AAMDC: variants seen among roughly 807,000 people sequenced by gnomAD.
The protein encoded by AAMDC is adipogenesis associated Mth938 domain containing.
AAMDC carries 16 observed loss-of-function variants against 15.5 expected under a neutral mutation model. That is an observed-to-expected ratio of 1.03 (90% CI 0.70 to 1.57). The LOEUF is 1.57. AAMDC is among the 40% of genes most tolerant of loss of function. The pLI is 0.00. For missense variants in AAMDC, 141 were observed against 144.9 expected (o/e 0.97, Z 0.14); for synonymous variants, 51 against 51.6 (o/e 0.99, Z 0.05).
At chr11:77,871,385 A>G (rs1951423402) in intron 3 of AAMDC, among the ~76,000 whole-genome samples, 1 of 152,234 alleles carries the variant, frequency 6.6e-6, no homozygotes, top group South Asian at 2.1e-4. Flanking sequence ...TCTATGGGTA[A>G]GGCACTATTC....
chr11:77,862,016 C>T (rs1014306224), intron 2 of AAMDC, among the ~76,000 whole-genome samples: 1 of 152,166 alleles, frequency 6.6e-6, no homozygotes, highest in Non-Finnish European at 1.5e-5. Context: ...TCCAGAAAGG[C>T]GGTAGGATTT....
chr11:77,864,614 T>C (rs976497461), intron 2 of AAMDC, among the ~76,000 whole-genome samples: 2 of 152,210 alleles, frequency 1.3e-5, no homozygotes, highest in Admixed American at 6.5e-5. Flanking sequence ...AACTATGAAA[T>C]TGACATAGAA....
chr11:77,900,796 T>C, downstream of AAMDC: 1 of 595,882 alleles, frequency 1.7e-6, no homozygotes, highest in Non-Finnish European at 3.0e-6. Context: ...ATTCCAGTTA[T>C]CTGAAAGTCT....
rs1948876667 is a variant in AAMDC, at chr11:77,821,147, TG to T, written c.-109del. 1 of 396,528 alleles carries T rather than the reference TG, an allele frequency of 2.5e-6. No homozygotes were observed. Among genetic ancestry groups the T allele is most frequent in the Admixed American group, 4.1e-5 (1 of 24,354 alleles). 24.6% of individuals were successfully genotyped at this position (396,528 alleles called of 1,614,324 possible). A position where few individuals can be genotyped will look rare whatever the true frequency, so the allele number is the denominator to read the frequency against. On this transcript the variant is annotated 5_prime_UTR_variant, in exon 1 of 4. Coordinates refer to ENST00000393427, the MANE Select transcript of AAMDC (RefSeq NM_024684.4). Reference sequence around the variant, plus strand: ...GCAGGGCGTATTCCCGGAGGGCAGTTGGGGAGCGCAGATCCCGAAGCAGCGC... The same window carrying T: ...GCAGGGCGTATTCCCGGAGGGCAGTTGGGAGCGCAGATCCCGAAGCAGCGC...
At chr11:77,875,624 T>C (rs1324407304), downstream of AAMDC, among the ~76,000 whole-genome samples, 1 of 152,224 alleles carries the variant, frequency 6.6e-6, no homozygotes, top group African/African-American at 2.4e-5. Context: ...CCTGCCTACC[T>C]TTCTTAAGGG....
intron 1 of AAMDC, among the ~76,000 whole-genome samples, chr11:77,827,595 A>C (rs1182440022): frequency 6.6e-6 from 1 of 152,228 alleles, no homozygotes; most frequent in East Asian, 1.9e-4. Context: ...CATGTTAAAA[A>C]TAATAAACTA....
intron 2 of AAMDC, 168 bp from the exon 3 acceptor site, chr11:77,869,554 G>A (rs1237137129): frequency 7.2e-6 from 4 of 558,424 alleles, no homozygotes; most frequent in Non-Finnish European, 9.6e-6. Context: ...TAGGTTCAAG[G>A]GATCCTGCCT....
intron 1 of AAMDC, among the ~76,000 whole-genome samples, chr11:77,826,911 C>T (rs577067901): frequency 6.6e-6 from 1 of 152,226 alleles, no homozygotes; most frequent in Admixed American, 6.5e-5. Flanking sequence ...TCGAGACCAG[C>T]CTGGCCAACA....
chr11:77,871,587 A>G (rs1005208076), intron 3 of AAMDC, among the ~76,000 whole-genome samples: 30 of 152,340 alleles, frequency 2.0e-4, no homozygotes, highest in African/African-American at 7.2e-4. Flanking sequence ...ACATGAGTCA[A>G]TTTCATCCTC....
intron 2 of AAMDC, chr11:77,866,704 T>G (rs979909259): frequency 6.6e-6 from 1 of 151,580 alleles, no homozygotes; most frequent in African/African-American, 2.4e-5. Context: ...ATGTGAGCTC[T>G]GGGTGAGAGA....
intron 5 of AAMDC, among the ~76,000 whole-genome samples, chr11:77,885,286 A>G (rs1211604319): frequency 6.6e-6 from 1 of 151,888 alleles, no homozygotes; most frequent in Non-Finnish European, 1.5e-5. Flanking sequence ...CATGTTGGCC[A>G]GGTTGGTCTC....
chr11:77,884,101 A>G (rs1590999297), intron 5 of AAMDC: 1 of 681,984 alleles, frequency 1.5e-6, no homozygotes. Context: ...TCAACACTGT[A>G]GACATCTCTA....
At chr11:77,825,044 G>A (rs1021621754) in intron 1 of AAMDC, among the ~76,000 whole-genome samples, 2 of 151,984 alleles carry the variant, frequency 1.3e-5, no homozygotes, top group Admixed American at 6.6e-5. Context: ...GCAGTGACGC[G>A]ATCTCAGCTC....
intron 5 of AAMDC, among the ~76,000 whole-genome samples, chr11:77,892,796 G>A (rs1952332874): frequency 6.6e-6 from 1 of 152,090 alleles, no homozygotes; most frequent in Admixed American, 6.5e-5. Context: ...TATTGGCCAG[G>A]CTGGTCTCGA....
chr11:77,827,531 C>T (rs1408477848), intron 1 of AAMDC, among the ~76,000 whole-genome samples: 2 of 152,102 alleles, frequency 1.3e-5, no homozygotes, highest in Non-Finnish European at 2.9e-5. Flanking sequence ...AAAGAAACAA[C>T]ATAGTCATCT....
At chr11:77,833,197 A>G (rs1348821190) in intron 1 of AAMDC, among the ~76,000 whole-genome samples, 1 of 150,910 alleles carries the variant, frequency 6.6e-6, no homozygotes, top group Non-Finnish European at 1.5e-5. Flanking sequence ...TTTAGTAGAG[A>G]TGGGGTTTTC....
intron 2 of AAMDC, among the ~76,000 whole-genome samples, chr11:77,846,800 T>G (rs1950167770): frequency 6.6e-6 from 1 of 152,348 alleles, no homozygotes; most frequent in South Asian, 2.1e-4. Context: ...GTCCTTGTTT[T>G]TTAATTTTAA....
chr11:77,905,664 A>G (rs188161374), downstream of AAMDC, among the ~76,000 whole-genome samples: 28 of 152,308 alleles, frequency 1.8e-4, no homozygotes, highest in African/African-American at 6.7e-4. Flanking sequence ...ATTTCTTGAG[A>G]TCTCAGCTCT....
At chr11:77,837,285 G>A (rs569512290) in intron 1 of AAMDC, among the ~76,000 whole-genome samples, 3 of 151,616 alleles carry the variant, frequency 2.0e-5, no homozygotes, top group South Asian at 4.2e-4. Context: ...ACAGGCACCC[G>A]CCACCACACC....
Sources: allele counts gnomAD v4.1 joint callset (sites outside exome capture counted in the v4.1 genomes callset), GRCh38; gene constraint gnomAD v4.1.1; transcripts MANE v1.5; gene names NCBI Gene and HGNC (gene_info 2026-07-23, HGNC 2026-07-21).